NCAM2: variants seen among roughly 807,000 people sequenced by gnomAD.
NCAM2 encodes neural cell adhesion molecule 2.
NCAM2 carries 30 observed loss-of-function variants against 98.1 expected under a neutral mutation model. The ratio of observed to expected loss-of-function variants is 0.31; its 90% CI spans 0.23 to 0.41. The LOEUF is 0.41. Ranked by LOEUF, NCAM2 falls within the 10% of genes least tolerant of loss-of-function variation. NCAM2 has a pLI of 1.00. For synonymous variants in NCAM2, 368 were observed against 342.4 expected, an observed-to-expected ratio of 1.07 and a Z score of -0.83; for missense variants, 867 against 1,005.8, an observed-to-expected ratio of 0.86 and a Z score of 1.87.
At chr21:21,107,070 T>G (rs140468357) in intron 1 of NCAM2, among the ~76,000 whole-genome samples, 1 of 152,158 alleles carries the variant, frequency 6.6e-6, no homozygotes, top group African/African-American at 2.4e-5. Flanking sequence ...GCTTTTCATA[T>G]TTATTTGATA....
intron 9 of NCAM2, among the ~76,000 whole-genome samples, chr21:21,398,090 G>A (rs1354431956): frequency 6.6e-6 from 1 of 152,164 alleles, no homozygotes; most frequent in Non-Finnish European, 1.5e-5. Context: ...CCATATGAAG[G>A]AACAAAATAA....
intron 1 of NCAM2, among the ~76,000 whole-genome samples, chr21:21,264,732 G>A (rs1355384744): frequency 7.0e-6 from 1 of 141,890 alleles, no homozygotes; most frequent in Non-Finnish European, 1.5e-5. Flanking sequence ...AAGATCTTTG[G>A]CATAAGTGTG....
chr21:21,400,761 G>A (rs918816576), intron 9 of NCAM2, among the ~76,000 whole-genome samples: 2 of 151,964 alleles, frequency 1.3e-5, no homozygotes, highest in Non-Finnish European at 2.9e-5. Context: ...GCGTATCAAT[G>A]CCTGCATTTG....
chr21:21,437,835 G>T (rs1978614702), intron 12 of NCAM2, among the ~76,000 whole-genome samples: 1 of 151,936 alleles, frequency 6.6e-6, no homozygotes, highest in Non-Finnish European at 1.5e-5. Context: ...ATTTCTAGGT[G>T]TACTTAGAAG....
At chr21:21,207,771 C>T (rs1252981750) in intron 1 of NCAM2, among the ~76,000 whole-genome samples, 2 of 152,086 alleles carry the variant, frequency 1.3e-5, no homozygotes, top group Non-Finnish European at 2.9e-5. Context: ...TAGGAAGACA[C>T]TCCCCTCCCC....
At chr21:21,428,081 T>C (rs1342450460) in intron 11 of NCAM2, among the ~76,000 whole-genome samples, 10 of 152,216 alleles carry the variant, frequency 6.6e-5, no homozygotes, top group Non-Finnish European at 1.2e-4. Flanking sequence ...TCATGACATA[T>C]CCAGTCTCTT....
intron 13 of NCAM2, among the ~76,000 whole-genome samples, chr21:21,467,609 G>A (rs1005384844): frequency 1.3e-5 from 2 of 151,622 alleles, no homozygotes; most frequent in African/African-American, 4.8e-5. Context: ...ATTTTGGAAG[G>A]CTGAGGCAGG....
At chr21:21,365,793 G>C (rs986091947) in intron 8 of NCAM2, among the ~76,000 whole-genome samples, 1 of 152,028 alleles carries the variant, frequency 6.6e-6, no homozygotes, top group Non-Finnish European at 1.5e-5. Flanking sequence ...GACCTTGGAC[G>C]GGATTAGTAG....
chr21:21,315,166 T>G (rs1351055388), intron 5 of NCAM2, among the ~76,000 whole-genome samples: 1 of 152,178 alleles, frequency 6.6e-6, no homozygotes, highest in African/African-American at 2.4e-5. Context: ...TTTCATTACC[T>G]TTCAGTGACT....
chr21:21,366,230 T>C (rs896969619), intron 8 of NCAM2, among the ~76,000 whole-genome samples: 9 of 152,068 alleles, frequency 5.9e-5, no homozygotes, highest in Non-Finnish European at 8.8e-5. Context: ...TGTTTAATAG[T>C]TATTATACGT....
chr21:21,531,841 A>T (rs1319746574), intron 16 of NCAM2, among the ~76,000 whole-genome samples: 1 of 150,706 alleles, frequency 6.6e-6, no homozygotes, highest in Non-Finnish European at 1.5e-5. Context: ...AAAAAAAAAA[A>T]AATTAGCCGG....
intron 1 of NCAM2, among the ~76,000 whole-genome samples, chr21:21,120,130 C>A (rs2066641773): frequency 6.6e-6 from 1 of 152,046 alleles, no homozygotes; most frequent in Non-Finnish European, 1.5e-5. Context: ...TCCTTGTATG[C>A]TGTAGAGAAT....
intron 12 of NCAM2, among the ~76,000 whole-genome samples, chr21:21,444,341 G>A (rs370343534): frequency 1.3e-5 from 2 of 152,162 alleles, no homozygotes; most frequent in South Asian, 4.1e-4. Flanking sequence ...GATGATGCTG[G>A]CTTAATAAAG....
chr21:21,388,766 A>G (rs1367574664), intron 9 of NCAM2, among the ~76,000 whole-genome samples: 2 of 152,224 alleles, frequency 1.3e-5, no homozygotes, highest in Admixed American at 1.3e-4. Context: ...TGTACATTAT[A>G]TAAAATCTAA....
At chr21:21,068,979 A>G (rs1241491780) in intron 1 of NCAM2, among the ~76,000 whole-genome samples, 1 of 152,192 alleles carries the variant, frequency 6.6e-6, no homozygotes, top group African/African-American at 2.4e-5. Flanking sequence ...TCACTCTGCT[A>G]AGTTGATACT....
In NCAM2 at chr21:21,265,329, A is replaced by G. The variant is rs1267135378; in HGVS notation, c.56-15249A>G. On this transcript the variant is annotated intron_variant, in intron 1 of 17. Coordinates refer to ENST00000400546, the MANE Select transcript of NCAM2 (RefSeq NM_004540.5). Reference sequence around the variant, plus strand: ...TACATACACGTATATATACACATATATAATATATATGTGTATGTATGTATA... The same window carrying G: ...TACATACACGTATATATACACATATGTAATATATATGTGTATGTATGTATA... Among the ~76,000 whole-genome samples the G allele has an allele frequency of 6.1e-5, 8 of 131,182 alleles. No homozygotes were observed. The East Asian group carries it at 1.9e-3, about 31-fold the overall frequency. 86.1% of individuals were successfully genotyped at this position (131,182 alleles called of 152,430 possible).
chr21:21,521,137 C>T (rs113647559), intron 16 of NCAM2, among the ~76,000 whole-genome samples: 5 of 152,180 alleles, frequency 3.3e-5, no homozygotes, highest in South Asian at 4.2e-4. Context: ...CAACACCACC[C>T]GGCTCTATGT....
At chr21:21,312,161 A>T (rs1367696988) in intron 5 of NCAM2, among the ~76,000 whole-genome samples, 4 of 152,074 alleles carry the variant, frequency 2.6e-5, no homozygotes, top group African/African-American at 4.8e-5. Context: ...TTTCATCATG[A>T]TAAGGAAGTC....
intron 1 of NCAM2, among the ~76,000 whole-genome samples, chr21:21,189,671 C>G (rs2068755257): frequency 6.6e-6 from 1 of 152,082 alleles, no homozygotes. Flanking sequence ...TGATCTGAAA[C>G]CTGATTATTT....
Sources: gnomAD v4.1 joint callset for allele counts (sites outside exome capture counted in the v4.1 genomes callset) on GRCh38, gnomAD v4.1.1 for gene constraint, MANE v1.5 for transcripts, NCBI Gene and HGNC (gene_info 2026-07-23, HGNC 2026-07-21) for gene names.